Variants in RAB8B observed in about 807,000 individuals in gnomAD.
The protein encoded by RAB8B is ras-related protein Rab-8B.
In RAB8B, 11 loss-of-function variants were observed where a neutral mutation model predicts 32.0. The ratio of observed to expected loss-of-function variants is 0.34; its 90% CI spans 0.22 to 0.57. The LOEUF is 0.57. RAB8B is among the 20% of genes least tolerant of loss of function. RAB8B has a pLI of 0.86. For missense variants in RAB8B, 190 were observed against 258.5 expected (o/e 0.73, Z 1.82); for synonymous variants, 103 against 89.6 (o/e 1.15, Z -0.85).
At chr15:63,211,459 T>C (rs752121193) in intron 1 of RAB8B, among the ~76,000 whole-genome samples, 5 of 152,252 alleles carry the variant, frequency 3.3e-5, no homozygotes, top group Non-Finnish European at 5.9e-5. Context: ...AACCCTATTA[T>C]ATCCTTAACT....
At chr15:63,250,029 G>A (rs983427431) in intron 3 of RAB8B, among the ~76,000 whole-genome samples, 7 of 152,140 alleles carry the variant, frequency 4.6e-5, no homozygotes, top group African/African-American at 1.7e-4. Flanking sequence ...CCAGCTACTC[G>A]GGAGGCTGAG....
chr15:63,262,751 C>T lies in RAB8B; in HGVS notation c.531+9C>T. On this transcript the variant is annotated intron_variant, in intron 7 of 7. Transcript: ENST00000321437. ...AACTCAACAGAAAAATGGTTTGTAT[C>T]ACTTATAATTTTTATTTCCATTATG... 1 of 1,403,578 alleles carries T rather than the reference C, an allele frequency of 7.1e-7. No homozygotes were observed. Among genetic ancestry groups the T allele is most frequent in the Non-Finnish European group, 9.5e-7 (1 of 1,056,586 alleles). 86.9% of individuals were successfully genotyped at this position (1,403,578 alleles called of 1,614,324 possible).
In RAB8B at chr15:63,208,710, A is replaced by G. The variant is rs539821875; in HGVS notation, c.124+18962A>G. Among the ~76,000 whole-genome samples, 7 of 151,802 alleles carry G rather than the reference A, an allele frequency of 4.6e-5. No individual in the cohort carries two copies. The South Asian group carries it at 1.0e-3, about 23-fold the overall frequency. On this transcript the variant is annotated intron_variant, in intron 1 of 7. Transcript: ENST00000321437. ...TCTTTCCTGATGTTCCTCATATGTC[A>G]CTTTCTTTATGAGGCCATGTCAGAA... is the stretch of plus-strand genomic sequence containing the variant.
chr15:63,236,110 C>G (rs1056786191), intron 1 of RAB8B, among the ~76,000 whole-genome samples: 1 of 152,180 alleles, frequency 6.6e-6, no homozygotes, highest in Non-Finnish European at 1.5e-5. Context: ...ACAGACAGGA[C>G]TGAACTAAAT....
chr15:63,244,510 C>G (rs2038056149), intron 1 of RAB8B, among the ~76,000 whole-genome samples: 1 of 152,140 alleles, frequency 6.6e-6, no homozygotes, highest in Non-Finnish European at 1.5e-5. Context: ...AGGATGTGAT[C>G]CATTTGTGTC....
At chr15:63,223,530 C>CAG (rs2037862625) in intron 1 of RAB8B, among the ~76,000 whole-genome samples, 1 of 152,154 alleles carries the variant, frequency 6.6e-6, no homozygotes. Flanking sequence ...CAGTAGCATA[C>CAG]TATATAAGTT....
chr15:63,229,971 G>T (rs193264682), intron 1 of RAB8B, among the ~76,000 whole-genome samples: 1 of 152,062 alleles, frequency 6.6e-6, no homozygotes, highest in East Asian at 1.9e-4. Context: ...TATCATAGAG[G>T]ATTGTGCTTA....
intron 4 of RAB8B, 138 bp from the exon 5 acceptor site, chr15:63,256,367 C>G (rs2038158826): frequency 1.7e-6 from 1 of 595,726 alleles, no homozygotes; most frequent in Non-Finnish European, 2.8e-6. Context: ...CATCTTTAAA[C>G]TTTTCTCTGA....
intron 1 of RAB8B, among the ~76,000 whole-genome samples, chr15:63,219,004 A>ATT (rs71131152): frequency 0.095 from 8,876 of 93,762 alleles, 1,685 homozygotes; most frequent in East Asian, 0.3. Flanking sequence ...CCAGCAGTGG[A>ATT]TTTTTTTTTT....
chr15:63,224,746 A>G (rs2037875160), intron 1 of RAB8B, among the ~76,000 whole-genome samples: 1 of 152,196 alleles, frequency 6.6e-6, no homozygotes, highest in African/African-American at 2.4e-5. Context: ...TCGCGACATA[A>G]TCTGGAGTTA....
rs181597614 is a variant in RAB8B, at chr15:63,233,881, C to T, written c.125-10875C>T. ...AAGTGGGTCAAAGGGGATAGATAAC[C>T]TTTGTAGAAAAATGTGCAGTGCTGT... On this transcript the variant is annotated intron_variant, in intron 1 of 7. Coordinates refer to ENST00000321437, the MANE Select transcript of RAB8B (RefSeq NM_016530.3). 4.6e-4 allele frequency among the ~76,000 whole-genome samples: 70 copies of T among 152,118 alleles called. 2 individuals are homozygous for T. Among genetic ancestry groups the T allele is most frequent in the African/African-American group, 1.5e-3 (64 of 41,494 alleles).
chr15:63,252,812 G>T (rs994357541), intron 3 of RAB8B, among the ~76,000 whole-genome samples: 2 of 149,482 alleles, frequency 1.3e-5, no homozygotes, highest in Non-Finnish European at 3.0e-5. Context: ...GCAATGGCAC[G>T]ATCTCGGCTC....
intron 1 of RAB8B, among the ~76,000 whole-genome samples, chr15:63,243,352 A>G (rs1246054393): frequency 6.6e-6 from 1 of 152,258 alleles, no homozygotes; most frequent in Non-Finnish European, 1.5e-5. Flanking sequence ...AACAAAGCTG[A>G]GTAGCCAGAT....
chr15:63,201,975 G>A (rs981691572), intron 1 of RAB8B, among the ~76,000 whole-genome samples: 20 of 151,564 alleles, frequency 1.3e-4, no homozygotes, highest in Non-Finnish European at 2.2e-4. Context: ...ACTATTGGCC[G>A]GGCGCGGTGG....
chr15:63,257,394 G>C (rs1032122474), intron 5 of RAB8B, among the ~76,000 whole-genome samples: 3 of 151,976 alleles, frequency 2.0e-5, no homozygotes, highest in African/African-American at 4.8e-5. Flanking sequence ...AAGAAGGTGG[G>C]ATTATAGGCA....
intron 1 of RAB8B, among the ~76,000 whole-genome samples, chr15:63,201,676 C>T (rs555822565): frequency 1.3e-4 from 20 of 152,262 alleles, no homozygotes; most frequent in African/African-American, 4.3e-4. Context: ...TTACAAAGTA[C>T]TTTCACTTAT....
chr15:63,217,394 T>G (rs2037802325), intron 1 of RAB8B, among the ~76,000 whole-genome samples: 1 of 152,216 alleles, frequency 6.6e-6, no homozygotes, highest in Non-Finnish European at 1.5e-5. Context: ...CCAGCAGCAA[T>G]TTAGACATTT....
Position 63,259,453 on chromosome 15 carries a change from TAAGTTA to T in RAB8B, c.415-171_415-166del, listed in dbSNP as rs1255133763. ...GTTGTGCCATCCTTCTTACGATGAT[TAAGTTA>T]AATTATTAAATTCTGAATACAGTAG... On this transcript the variant is annotated intron_variant, in intron 5 of 7. Transcript: ENST00000321437. The surrounding 1 kb of genome is among the most constrained non-coding windows in gnomAD (Gnocchi z 4.4). Among the ~76,000 whole-genome samples the T allele has an allele frequency of 6.6e-6, 1 of 152,208 alleles. No individual in the cohort carries two copies. Among genetic ancestry groups the T allele is most frequent in the Non-Finnish European group, 1.5e-5 (1 of 68,036 alleles).
chr15:63,244,295 A>G (rs2038054675), intron 1 of RAB8B, among the ~76,000 whole-genome samples: 1 of 152,234 alleles, frequency 6.6e-6, no homozygotes, highest in Admixed American at 6.5e-5. Context: ...CTTACTGTCA[A>G]ATAGGCAAAT....
Sources: gnomAD v4.1 joint callset for allele counts (sites outside exome capture counted in the v4.1 genomes callset) on GRCh38, gnomAD v4.1.1 for gene constraint, Gnocchi (gnomAD v3.1) non-coding constraint, MANE v1.5 for transcripts, NCBI Gene and HGNC (gene_info 2026-07-23, HGNC 2026-07-21) for gene names.